EAPP: variants seen among roughly 807,000 people sequenced by gnomAD.
EAPP encodes the protein E2F-associated phosphoprotein.
A neutral mutation model predicts 34.3 loss-of-function variants in EAPP; 38 were observed. That is an observed-to-expected ratio of 1.11 (90% CI 0.85 to 1.45). EAPP has a LOEUF of 1.45. EAPP is among the 40% of genes most tolerant of loss of function. The pLI, the probability that EAPP is intolerant of heterozygous loss-of-function variation, is 0.00. For missense variants in EAPP, 338 were observed against 343.7 expected, an observed-to-expected ratio of 0.98 and a Z score of 0.13; for synonymous variants, 113 against 117.6, an observed-to-expected ratio of 0.96 and a Z score of 0.25.
intron 1 of EAPP, chr14:34,536,478 T>C: frequency 2.8e-6 from 1 of 358,252 alleles, no homozygotes; most frequent in Non-Finnish European, 4.7e-6. Flanking sequence ...TTTTTTTTTT[T>C]TTTTGAGATG....
intron 1 of EAPP, among the ~76,000 whole-genome samples, chr14:34,536,896 T>C (rs1880497204): frequency 1.3e-5 from 2 of 151,752 alleles, no homozygotes; most frequent in African/African-American, 4.8e-5. Context: ...GATAGATATA[T>C]AGATAGATAG....
chr14:34,535,146 T>G (rs1386102203), intron 2 of EAPP, among the ~76,000 whole-genome samples: 1 of 150,944 alleles, frequency 6.6e-6, no homozygotes, highest in African/African-American at 2.4e-5. Context: ...TTTTTTTTTT[T>G]TGAGACGGAG....
intron 5 of EAPP, among the ~76,000 whole-genome samples, chr14:34,517,713 G>A (rs1879784719): frequency 6.7e-6 from 1 of 150,226 alleles, no homozygotes; most frequent in African/African-American, 2.4e-5. Flanking sequence ...GGTTTTTTGG[G>A]GTCTCAATTT....
intron 2 of EAPP, chr14:34,535,797 G>A (rs149429023): frequency 2.6e-5 from 6 of 231,276 alleles, no homozygotes; most frequent in Non-Finnish European, 4.9e-5. Flanking sequence ...TTCAAGAAAC[G>A]GAGGTGGGAA....
chr14:34,518,783 T>C (rs868776193), intron 5 of EAPP, among the ~76,000 whole-genome samples: 1 of 152,206 alleles, frequency 6.6e-6, no homozygotes, highest in African/African-American at 2.4e-5. Flanking sequence ...TAGTCTGTTT[T>C]AAGGACAGCT....
chr14:34,524,915 T>C, intron 4 of EAPP, 108 bp from the exon 5 acceptor site: 1 of 793,848 alleles, frequency 1.3e-6, no homozygotes, highest in East Asian at 2.6e-5. Flanking sequence ...AAATGGCTAA[T>C]TCTAGGAATA....
chr14:34,526,563 G>A (rs1005550460), intron 4 of EAPP, among the ~76,000 whole-genome samples: 12 of 148,748 alleles, frequency 8.1e-5, no homozygotes, highest in Admixed American at 4.7e-4. Flanking sequence ...GTCTCTATAA[G>A]AAAATAAAAA....
intron 5 of EAPP, among the ~76,000 whole-genome samples, chr14:34,517,046 TC>T (rs1447426488): frequency 6.6e-6 from 1 of 151,440 alleles, no homozygotes; most frequent in African/African-American, 2.4e-5. Flanking sequence ...CACGCCATTC[TC>T]CTGCCTCAGC....
At chr14:34,525,953 G>A (rs1371419595) in intron 4 of EAPP, among the ~76,000 whole-genome samples, 1 of 152,012 alleles carries the variant, frequency 6.6e-6, no homozygotes, top group Non-Finnish European at 1.5e-5. Context: ...CCAGGAGACG[G>A]AGCTTGCAGT....
chr14:34,517,091 C>T (rs2138880698), intron 5 of EAPP, among the ~76,000 whole-genome samples: 2 of 151,922 alleles, frequency 1.3e-5, no homozygotes, highest in East Asian at 3.9e-4. Context: ...GCGCCCGCCA[C>T]CATGCCTGGC....
At chr14:34,534,762 G>C (rs941768576) in intron 2 of EAPP, among the ~76,000 whole-genome samples, 1 of 152,126 alleles carries the variant, frequency 6.6e-6, no homozygotes, top group Admixed American at 6.5e-5. Context: ...AGCACTTTGG[G>C]AGGCCAATGC....
At chr14:34,531,887 T>C (rs1410905442) in intron 3 of EAPP, among the ~76,000 whole-genome samples, 1 of 151,420 alleles carries the variant, frequency 6.6e-6, no homozygotes, top group Non-Finnish European at 1.5e-5. Flanking sequence ...CCATCCTGGC[T>C]AACACAGTGA....
At chr14:34,530,954 CA>C (rs745482430) in intron 3 of EAPP, among the ~76,000 whole-genome samples, 4 of 84,724 alleles carry the variant, frequency 4.7e-5, no homozygotes, top group East Asian at 3.4e-4. Context: ...AGGAAAAAAA[CA>C]AAAAAAAAGA....
chr14:34,537,809 T>A (rs1326756353), intron 1 of EAPP, among the ~76,000 whole-genome samples: 1 of 152,224 alleles, frequency 6.6e-6, no homozygotes. Context: ...CTGTGCTATG[T>A]GTAGTCTTAT....
intron 3 of EAPP, among the ~76,000 whole-genome samples, chr14:34,532,555 A>AG (rs1483329707): frequency 6.6e-6 from 1 of 152,014 alleles, no homozygotes; most frequent in Non-Finnish European, 1.5e-5. Flanking sequence ...CTAAAGGAAG[A>AG]GGGGGGAAAA....
chr14:34,524,917 C>A, intron 4 of EAPP, 110 bp from the exon 5 acceptor site: 1 of 780,260 alleles, frequency 1.3e-6, no homozygotes, highest in Non-Finnish European at 2.1e-6. Context: ...ATGGCTAATT[C>A]TAGGAATAAG....
chr14:34,538,662 T>C (rs766944699), intron 1 of EAPP, among the ~76,000 whole-genome samples: 5 of 152,016 alleles, frequency 3.3e-5, no homozygotes, highest in African/African-American at 4.8e-5. Flanking sequence ...AGAGATTCTC[T>C]CGCCTCAGAC....
At chr14:34,516,620 A>G (rs369122245) in intron 5 of EAPP, 34 bp from the exon 6 acceptor site, 7 of 1,568,812 alleles carry the variant, frequency 4.5e-6, no homozygotes, top group Non-Finnish European at 6.0e-6. Flanking sequence ...ATTGGGGTTT[A>G]TGTTCTATGT....
At chr14:34,531,450 A>G (rs988698542) in intron 3 of EAPP, among the ~76,000 whole-genome samples, 5 of 151,640 alleles carry the variant, frequency 3.3e-5, no homozygotes, top group Non-Finnish European at 5.9e-5. Flanking sequence ...AGAATGCAAA[A>G]ATTTAGCCGG....
Sources: allele counts gnomAD v4.1 joint callset (sites outside exome capture counted in the v4.1 genomes callset), GRCh38; gene constraint gnomAD v4.1.1; transcripts MANE v1.5; gene names NCBI Gene and HGNC (gene_info 2026-07-23, HGNC 2026-07-21).